ZNF407: variants seen among roughly 807,000 people sequenced by gnomAD.
ZNF407 encodes the protein zinc finger protein 407.
A neutral mutation model predicts 131.2 loss-of-function variants in ZNF407; 17 were observed. The ratio of observed to expected loss-of-function variants is 0.13; its 90% CI spans 0.09 to 0.19. The LOEUF (loss-of-function observed/expected upper bound fraction) is 0.19, where lower values mean the gene tolerates loss of function less well. Among genes scored for constraint, ZNF407 ranks in the 10% least tolerant of loss-of-function variants. The pLI is 1.00. For missense variants in ZNF407, 2,681 were observed against 2,830.6 expected (o/e 0.95, Z 1.20); for synonymous variants, 1,156 against 1,062.0 (o/e 1.09, Z -1.72).
At chr18:75,003,782 A>G (rs1042323144) in intron 8 of ZNF407, among the ~76,000 whole-genome samples, 3 of 152,206 alleles carry the variant, frequency 2.0e-5, no homozygotes, top group Non-Finnish European at 4.4e-5. Context: ...ATTTTGTAGA[A>G]TCAAATTCTT....
Position 74,971,637 on chromosome 18 carries a change from G to T in ZNF407, c.5428+50945G>T, listed in dbSNP as rs1045412426. On this transcript the variant is annotated intron_variant, in intron 8 of 8. Coordinates refer to ENST00000299687, the MANE Select transcript of ZNF407 (RefSeq NM_017757.3). ...CAGCTTGGACCTTATTTTCCTTATC[G>T]CTGTCAGCATTTTGGGCAAAGCCAT... 2.6e-5 allele frequency among the ~76,000 whole-genome samples: 4 copies of T among 152,010 alleles called. No individual in the cohort carries two copies. In the South Asian group the frequency reaches 8.3e-4, roughly 32 times the overall value.
intron 8 of ZNF407, among the ~76,000 whole-genome samples, chr18:75,018,645 A>G (rs1173729764): frequency 6.6e-6 from 1 of 152,076 alleles, no homozygotes; most frequent in Non-Finnish European, 1.5e-5. Flanking sequence ...AGCAAACCTT[A>G]CAAATCAAGA....
chr18:74,766,087 G>T (rs1407438943), intron 3 of ZNF407, among the ~76,000 whole-genome samples: 1 of 151,854 alleles, frequency 6.6e-6, no homozygotes, highest in Non-Finnish European at 1.5e-5. Context: ...GTGTGTGGCT[G>T]TGTGAATAAA....
At chr18:74,931,376 A>G (rs1457711309) in intron 8 of ZNF407, among the ~76,000 whole-genome samples, 2 of 152,178 alleles carry the variant, frequency 1.3e-5, no homozygotes, top group African/African-American at 4.8e-5. Context: ...CAAATAACCT[A>G]TTTTAAAAAT....
At chr18:74,786,038 C>G (rs1599152300) in intron 4 of ZNF407, among the ~76,000 whole-genome samples, 1 of 152,130 alleles carries the variant, frequency 6.6e-6, no homozygotes, top group Non-Finnish European at 1.5e-5. Flanking sequence ...TTATAGAAAC[C>G]CTGAGGAAAT....
At chr18:74,794,644 C>G (rs1459483273) in intron 4 of ZNF407, among the ~76,000 whole-genome samples, 4 of 152,002 alleles carry the variant, frequency 2.6e-5, no homozygotes, top group Non-Finnish European at 5.9e-5. Context: ...GAGAATTGCC[C>G]TAGATGAACT....
intron 8 of ZNF407, among the ~76,000 whole-genome samples, chr18:75,047,429 C>T (rs142925222): frequency 4.6e-5 from 7 of 152,324 alleles, no homozygotes; most frequent in African/African-American, 1.2e-4. Context: ...TGCCCTTCTG[C>T]GGCCTCACGT....
intron 8 of ZNF407, among the ~76,000 whole-genome samples, chr18:74,978,857 C>T (rs1972556723): frequency 6.6e-6 from 1 of 152,018 alleles, no homozygotes; most frequent in Non-Finnish European, 1.5e-5. Flanking sequence ...TTGAGTATAT[C>T]ATGTAAGAAG....
chr18:74,711,237 C>T (rs1476232484), intron 3 of ZNF407, among the ~76,000 whole-genome samples: 2 of 152,194 alleles, frequency 1.3e-5, no homozygotes, highest in East Asian at 3.8e-4. Context: ...TCCCCTCACA[C>T]TCCCCAAAGA....
At chr18:74,914,267 T>C (rs909009728) in intron 7 of ZNF407, among the ~76,000 whole-genome samples, 2 of 152,218 alleles carry the variant, frequency 1.3e-5, no homozygotes, top group Admixed American at 1.3e-4. Context: ...GAAAGCCTGG[T>C]GACACGTTCT....
At chr18:74,929,325 C>T (rs1217225765) in intron 8 of ZNF407, among the ~76,000 whole-genome samples, 1 of 152,046 alleles carries the variant, frequency 6.6e-6, no homozygotes, top group African/African-American at 2.4e-5. Context: ...GCAGGCAGCA[C>T]TGCGATCTTA....
intron 4 of ZNF407, among the ~76,000 whole-genome samples, chr18:74,838,893 T>C (rs1042827037): frequency 1.3e-5 from 2 of 152,198 alleles, no homozygotes; most frequent in Non-Finnish European, 2.9e-5. Flanking sequence ...CATCTTTTTT[T>C]CACTATTGAT....
At chr18:74,700,180 G>A (rs1967457881) in intron 3 of ZNF407, among the ~76,000 whole-genome samples, 1 of 152,118 alleles carries the variant, frequency 6.6e-6, no homozygotes, top group Admixed American at 6.5e-5. Flanking sequence ...TTAATATTCT[G>A]CTATTTTCTA....
At chr18:74,761,797 G>A (rs1352875719) in intron 3 of ZNF407, among the ~76,000 whole-genome samples, 1 of 151,726 alleles carries the variant, frequency 6.6e-6, no homozygotes, top group East Asian at 1.9e-4. Flanking sequence ...TGGTAATTTT[G>A]GTATTTTTAG....
chr18:74,977,730 A>G (rs1462455247), intron 8 of ZNF407, among the ~76,000 whole-genome samples: 1 of 152,214 alleles, frequency 6.6e-6, no homozygotes, highest in East Asian at 1.9e-4. Context: ...CGAGATCCCC[A>G]CAGTCAGAAT....
chr18:74,798,209 AACACACAC>A (rs35388545), intron 4 of ZNF407, among the ~76,000 whole-genome samples: 3 of 147,836 alleles, frequency 2.0e-5, no homozygotes, highest in South Asian at 2.2e-4. Context: ...CCTTTACACA[AACACACAC>A]ACACACACAC....
intron 8 of ZNF407, among the ~76,000 whole-genome samples, chr18:74,930,600 G>C (rs891018382): frequency 1.3e-5 from 2 of 152,000 alleles, no homozygotes; most frequent in Non-Finnish European, 2.9e-5. Flanking sequence ...ATGGTAGTTG[G>C]TTCCTTCTTT....
intron 4 of ZNF407, among the ~76,000 whole-genome samples, chr18:74,850,166 C>T (rs1247765322): frequency 2.0e-5 from 3 of 152,106 alleles, no homozygotes; most frequent in Non-Finnish European, 2.9e-5. Context: ...CATTTTTGCA[C>T]TTTTATTTTA....
At chr18:74,783,581 A>G (rs1356784845) in intron 4 of ZNF407, among the ~76,000 whole-genome samples, 1 of 151,280 alleles carries the variant, frequency 6.6e-6, no homozygotes, top group Admixed American at 6.6e-5. Flanking sequence ...CCTTTTCGTT[A>G]CATTCTAGGA....
Sources: gnomAD v4.1 joint callset for allele counts (sites outside exome capture counted in the v4.1 genomes callset) on GRCh38, gnomAD v4.1.1 for gene constraint, MANE v1.5 for transcripts, NCBI Gene and HGNC (gene_info 2026-07-23, HGNC 2026-07-21) for gene names.